PTPRG: variants seen among roughly 807,000 people sequenced by gnomAD.
PTPRG encodes the protein receptor-type tyrosine-protein phosphatase gamma.
In PTPRG, 102 loss-of-function variants were observed where a neutral mutation model predicts 165.3. The observed-to-expected ratio is 0.62, with a 90% CI of 0.53 to 0.73. The LOEUF (loss-of-function observed/expected upper bound fraction) is 0.73, where lower values mean the gene tolerates loss of function less well. Ranked by LOEUF, PTPRG falls within the 30% of genes least tolerant of loss-of-function variation. The probability of loss-of-function intolerance (pLI) is 0.00; values close to 1 mark genes in which losing one functional copy is unlikely to be tolerated. For missense variants in PTPRG, 1,866 were observed against 1,861.4 expected, an observed-to-expected ratio of 1.00 and a Z score of -0.05; for synonymous variants, 675 against 669.5, an observed-to-expected ratio of 1.01 and a Z score of -0.13.
At chr3:61,662,323 T>G (rs556376821) in intron 1 of PTPRG, among the ~76,000 whole-genome samples, 42 of 152,314 alleles carry the variant, frequency 2.8e-4, no homozygotes, top group Middle Eastern at 6.8e-3. Flanking sequence ...TGCCATGTTG[T>G]GAGGACACTC....
chr3:61,658,775 C>T (rs1702580843), intron 1 of PTPRG, among the ~76,000 whole-genome samples: 1 of 152,192 alleles, frequency 6.6e-6, no homozygotes, highest in Admixed American at 6.5e-5. Context: ...TTGCTAGACA[C>T]TCATGGCCAT....
chr3:62,136,845 T>C (rs1315391192), intron 6 of PTPRG, among the ~76,000 whole-genome samples: 2 of 152,172 alleles, frequency 1.3e-5, no homozygotes, highest in Non-Finnish European at 2.9e-5. Context: ...ATCTCTTTCT[T>C]TTGTAAACTG....
chr3:61,576,603 C>T (rs1421705835), intron 1 of PTPRG, among the ~76,000 whole-genome samples: 1 of 152,150 alleles, frequency 6.6e-6, no homozygotes, highest in African/African-American at 2.4e-5. Flanking sequence ...AATAGTTGGT[C>T]TGGGAGAGGA....
intron 2 of PTPRG, among the ~76,000 whole-genome samples, chr3:61,812,645 A>G (rs950796454): frequency 4.6e-5 from 7 of 152,200 alleles, no homozygotes; most frequent in Admixed American, 4.6e-4. Context: ...TTTCCACAGT[A>G]GAGATTCTTA....
intron 4 of PTPRG, among the ~76,000 whole-genome samples, chr3:62,053,468 T>C (rs1276241929): frequency 6.6e-6 from 1 of 152,146 alleles, no homozygotes; most frequent in Non-Finnish European, 1.5e-5. Flanking sequence ...GGTTTCTCCA[T>C]GTTGGCCAGG....
intron 2 of PTPRG, among the ~76,000 whole-genome samples, chr3:61,773,074 TAAAAC>T (rs374761947): frequency 5.6e-4 from 85 of 152,214 alleles, no homozygotes; most frequent in African/African-American, 1.9e-3. Flanking sequence ...TTGCTGAACT[TAAAAC>T]AAAACATGCA....
chr3:62,067,881 T>C (rs1701071163), intron 4 of PTPRG, among the ~76,000 whole-genome samples: 1 of 152,122 alleles, frequency 6.6e-6, no homozygotes, highest in African/African-American at 2.4e-5. Context: ...AAAATGTCTC[T>C]AGACATGGCC....
At chr3:61,929,114 C>T (rs1218508540) in intron 2 of PTPRG, among the ~76,000 whole-genome samples, 3 of 152,134 alleles carry the variant, frequency 2.0e-5, no homozygotes, top group Non-Finnish European at 4.4e-5. Context: ...TTAATAAATA[C>T]CCAGCCCTGA....
At chr3:61,600,184 A>ATGTGTGTGTGTGTG (rs1475629585) in intron 1 of PTPRG, among the ~76,000 whole-genome samples, 19 of 97,440 alleles carry the variant, frequency 1.9e-4, no homozygotes, top group African/African-American at 4.3e-4. Flanking sequence ...ATATATATAT[A>ATGTGTGTGTGTGTG]TATATATATG....
chr3:61,758,842 A>C (rs1185958336), intron 2 of PTPRG, among the ~76,000 whole-genome samples: 1 of 152,026 alleles, frequency 6.6e-6, no homozygotes, highest in African/African-American at 2.4e-5. Context: ...GACCCATTTC[A>C]CTGGATTGTG....
intron 15 of PTPRG, 106 bp downstream of exon 15, chr3:62,244,004 G>T (rs1363152551): frequency 1.5e-6 from 1 of 665,036 alleles, no homozygotes. Flanking sequence ...TTTAAAGCTT[G>T]CCCAGTATAA....
At chr3:62,097,126 C>T (rs924784996) in intron 5 of PTPRG, among the ~76,000 whole-genome samples, 7 of 152,202 alleles carry the variant, frequency 4.6e-5, no homozygotes, top group African/African-American at 1.7e-4. Flanking sequence ...AGGGCAAACT[C>T]AGAGTTTCTT....
intron 4 of PTPRG, among the ~76,000 whole-genome samples, chr3:62,045,100 G>A (rs1474009637): frequency 6.6e-6 from 1 of 152,164 alleles, no homozygotes; most frequent in Non-Finnish European, 1.5e-5. Context: ...AGTTGTCTCA[G>A]AATGCTACCT....
chr3:62,211,955 T>C (rs1006124821), intron 12 of PTPRG, among the ~76,000 whole-genome samples: 3 of 152,032 alleles, frequency 2.0e-5, no homozygotes, highest in African/African-American at 7.3e-5. Flanking sequence ...TGTTTTTCTT[T>C]TCTTTTTTTT....
intron 1 of PTPRG, among the ~76,000 whole-genome samples, chr3:61,737,515 T>G (rs970877331): frequency 1.3e-5 from 2 of 152,108 alleles, no homozygotes; most frequent in Admixed American, 1.3e-4. Flanking sequence ...GTACATAGTT[T>G]GCTGACCAGA....
At chr3:61,631,085 T>G (rs1559531915) in intron 1 of PTPRG, among the ~76,000 whole-genome samples, 1 of 152,070 alleles carries the variant, frequency 6.6e-6, no homozygotes, top group Non-Finnish European at 1.5e-5. Flanking sequence ...AAAAAAGTTT[T>G]TTTTTTTAAA....
At chr3:61,725,190 CAG>C (rs1401914422) in intron 1 of PTPRG, among the ~76,000 whole-genome samples, 1 of 151,844 alleles carries the variant, frequency 6.6e-6, no homozygotes, top group Non-Finnish European at 1.5e-5. Flanking sequence ...TTTTTTGGGA[CAG>C]AATCTTGCTC....
rs1297549575 is a variant in PTPRG at position 62,273,728 on chromosome 3, T to C, written c.3349T>C (p.Leu1117=). The C allele has an allele frequency of 2.5e-6, 4 of 1,613,772 alleles. No homozygotes were observed. The highest frequency in any genetic ancestry group is 3.3e-5 in the Admixed American group (2 of 59,996). Residue 1117 remains leucine, a synonymous_variant, in exon 23 of 30, where the codon TTG becomes CTG. Coordinates refer to ENST00000474889, the MANE Select transcript of PTPRG (RefSeq NM_002841.4). The surrounding 1 kb of genome is among the most constrained non-coding windows in gnomAD (Gnocchi z 4.1). ...EQYIFIHDAL[L]EAILGKETEV... Reference sequence around the variant, plus strand: ...GTACATTTTCATCCATGATGCCTTGTTGGAAGCCATTCTTGGAAAGGAGAC... The same window carrying C: ...GTACATTTTCATCCATGATGCCTTGCTGGAAGCCATTCTTGGAAAGGAGAC...
intron 19 of PTPRG, 60 bp from the exon 20 acceptor site, chr3:62,268,975 T>G: frequency 7.0e-7 from 1 of 1,421,262 alleles, no homozygotes; most frequent in Non-Finnish European, 9.4e-7. Flanking sequence ...TGAAATTACA[T>G]TATCAACAGA....
Sources: gnomAD v4.1 joint callset for allele counts (sites outside exome capture counted in the v4.1 genomes callset) on GRCh38, gnomAD v4.1.1 for gene constraint, Gnocchi (gnomAD v3.1) non-coding constraint, MANE v1.5 for transcripts, NCBI Gene and HGNC (gene_info 2026-07-23, HGNC 2026-07-21) for gene names.